Variants in ERBB4 observed in about 807,000 individuals in gnomAD.
ERBB4 encodes erb-b2 receptor tyrosine kinase 4, also known as receptor tyrosine-protein kinase erbB-4.
In ERBB4, 42 loss-of-function variants were observed where a neutral mutation model predicts 158.0. The ratio of observed to expected loss-of-function variants is 0.27; its 90% confidence interval spans 0.21 to 0.34. ERBB4 has a LOEUF of 0.34. Among genes scored for constraint, ERBB4 ranks in the 10% least tolerant of loss-of-function variants. The pLI is 1.00. For synonymous variants in ERBB4, 583 were observed against 558.7 expected (o/e 1.04, Z -0.61); for missense variants, 1,333 against 1,624.1 (o/e 0.82, Z 3.08).
At chr2:212,318,382 T>C (rs1015565690) in intron 1 of ERBB4, among the ~76,000 whole-genome samples, 2 of 151,614 alleles carry the variant, frequency 1.3e-5, no homozygotes, top group African/African-American at 2.4e-5. Flanking sequence ...AATAGCACAA[T>C]GAGGAAAGAA....
chr2:211,974,193 C>G (rs2081540680), intron 2 of ERBB4, among the ~76,000 whole-genome samples: 1 of 152,116 alleles, frequency 6.6e-6, no homozygotes, highest in African/African-American at 2.4e-5. Context: ...CAAAAGTTTA[C>G]CTATGTAACA....
chr2:211,691,568 A>ATGTGTGTGTG (rs61091828), intron 12 of ERBB4, among the ~76,000 whole-genome samples: 4,519 of 138,924 alleles, frequency 0.033, 79 homozygotes, highest in African/African-American at 0.045. Flanking sequence ...ATAGAAACAT[A>ATGTGTGTGTG]TGTGTGTGTG....
intron 9 of ERBB4, among the ~76,000 whole-genome samples, chr2:211,710,354 TTACA>T (rs1297623950): frequency 6.6e-6 from 1 of 152,168 alleles, no homozygotes; most frequent in Non-Finnish European, 1.5e-5. Context: ...TAATATAATC[TTACA>T]TTCATGTGGT....
intron 20 of ERBB4, among the ~76,000 whole-genome samples, chr2:211,520,618 C>T (rs779050558): frequency 1.3e-5 from 2 of 152,066 alleles, no homozygotes; most frequent in East Asian, 1.9e-4. Context: ...GTTTGTCAAA[C>T]CTTGGTCTAG....
chr2:211,491,213 G>C (rs544744750), intron 20 of ERBB4, among the ~76,000 whole-genome samples: 1 of 152,162 alleles, frequency 6.6e-6, no homozygotes, highest in Non-Finnish European at 1.5e-5. Flanking sequence ...TTTCTTTCAA[G>C]TGGTTTAGCA....
At chr2:212,227,169 C>T (rs7563370) in intron 1 of ERBB4, among the ~76,000 whole-genome samples, 3 of 149,926 alleles carry the variant, frequency 2.0e-5, no homozygotes, top group Non-Finnish European at 4.4e-5. Flanking sequence ...TGTTTGAACC[C>T]GGGAGGTGGA....
At chr2:212,443,337 G>T (rs2092290464) in intron 1 of ERBB4, among the ~76,000 whole-genome samples, 5 of 152,194 alleles carry the variant, frequency 3.3e-5, no homozygotes, top group Admixed American at 2.0e-4. Flanking sequence ...GAACTTATTG[G>T]TGAGATGTTT....
intron 2 of ERBB4, among the ~76,000 whole-genome samples, chr2:212,040,410 A>C (rs1158082687): frequency 6.6e-6 from 1 of 152,104 alleles, no homozygotes; most frequent in Non-Finnish European, 1.5e-5. Context: ...ACAAGCTGAT[A>C]TGAACAATAA....
At chr2:211,631,661 A>C (rs1352842557) in intron 16 of ERBB4, among the ~76,000 whole-genome samples, 2 of 152,144 alleles carry the variant, frequency 1.3e-5, no homozygotes, top group African/African-American at 4.8e-5. Context: ...TCTAGAGTAG[A>C]GCAGTATCTC....
At chr2:212,165,688 C>T (rs1410409581) in intron 1 of ERBB4, among the ~76,000 whole-genome samples, 1 of 151,990 alleles carries the variant, frequency 6.6e-6, no homozygotes, top group Non-Finnish European at 1.5e-5. Flanking sequence ...TGTGCAGCAA[C>T]CATAGAAATA....
chr2:211,952,726 T>A (rs72935706), intron 2 of ERBB4, among the ~76,000 whole-genome samples: 7,873 of 152,112 alleles, frequency 0.052, 368 homozygotes, highest in African/African-American at 0.12. Context: ...AAGAAAGAGA[T>A]ACCAATATTT....
chr2:212,263,177 G>T (rs2085006381), intron 1 of ERBB4, among the ~76,000 whole-genome samples: 1 of 152,146 alleles, frequency 6.6e-6, no homozygotes, highest in Non-Finnish European at 1.5e-5. Flanking sequence ...GCCACCACCA[G>T]AAGCGAGGAG....
rs987150157 is a variant in ERBB4 at position 211,522,571 on chromosome 2, T to C, written c.2487+39332A>G. On this transcript the variant is annotated intron_variant, in intron 20 of 27. Coordinates refer to ENST00000342788, the MANE Select transcript of ERBB4 (RefSeq NM_005235.3). Reference sequence around the variant, plus strand: ...GGAGGAGCAGCAGGGTTTGGGAGAATTGACTCCAATTTTGAAAGAAGTTCT... The same window carrying C: ...GGAGGAGCAGCAGGGTTTGGGAGAACTGACTCCAATTTTGAAAGAAGTTCT... Among the ~76,000 whole-genome samples, 12 of 152,246 alleles carry C rather than the reference T, an allele frequency of 7.9e-5. No homozygotes were observed. The South Asian group carries it at 2.3e-3, about 29-fold the overall frequency.
intron 1 of ERBB4, among the ~76,000 whole-genome samples, chr2:212,418,550 T>C (rs903140226): frequency 3.3e-5 from 5 of 150,780 alleles, no homozygotes. Context: ...TATATATATA[T>C]GTATATTTGA....
chr2:212,090,252 A>T (rs1473340658), intron 2 of ERBB4, among the ~76,000 whole-genome samples: 2 of 152,330 alleles, frequency 1.3e-5, no homozygotes, highest in East Asian at 1.9e-4. Flanking sequence ...AATGCAATTG[A>T]AAATAAATGT....
chr2:211,548,516 G>A (rs1329119431), intron 20 of ERBB4, among the ~76,000 whole-genome samples: 1 of 152,072 alleles, frequency 6.6e-6, no homozygotes. Context: ...TCACACTGTA[G>A]TAGTTATAGA....
chr2:212,216,695 G>C (rs1194930242), intron 1 of ERBB4, among the ~76,000 whole-genome samples: 6 of 151,312 alleles, frequency 4.0e-5, no homozygotes, highest in Non-Finnish European at 8.9e-5. Flanking sequence ...TATTCTTCCT[G>C]TGAAGCTGTT....
At chr2:212,111,040 T>C (rs7558179) in intron 2 of ERBB4, among the ~76,000 whole-genome samples, 25,900 of 152,164 alleles carry the variant, frequency 0.17, 4,605 homozygotes, top group African/African-American at 0.46. Context: ...GAGGGGCTCT[T>C]CCTGAAAAAG....
chr2:211,961,320 G>A (rs1259061974), intron 2 of ERBB4, among the ~76,000 whole-genome samples: 3 of 152,072 alleles, frequency 2.0e-5, no homozygotes, highest in African/African-American at 7.2e-5. Context: ...AGGGTGGAGG[G>A]CAGATTTGTT....
Sources: gnomAD v4.1 joint callset for allele counts (sites outside exome capture counted in the v4.1 genomes callset) on GRCh38, gnomAD v4.1.1 for gene constraint, MANE v1.5 for transcripts, NCBI Gene and HGNC (gene_info 2026-07-23, HGNC 2026-07-21) for gene names.